Variants in DLGAP1 observed in about 807,000 individuals in gnomAD.
DLGAP1 encodes DLG associated protein 1, also known as disks large-associated protein 1.
In DLGAP1, 11 loss-of-function variants were observed where a neutral mutation model predicts 90.8. The ratio of observed to expected loss-of-function variants is 0.12; its 90% CI spans 0.08 to 0.20. DLGAP1 has a LOEUF of 0.20. Among genes scored for constraint, DLGAP1 ranks in the 10% least tolerant of loss-of-function variants. The probability of loss-of-function intolerance (pLI) is 1.00; values close to 1 mark genes in which losing one functional copy is unlikely to be tolerated. For missense variants in DLGAP1, 1,050 were observed against 1,333.8 expected (o/e 0.79, Z 3.31); for synonymous variants, 558 against 540.7 (o/e 1.03, Z -0.44).
intron 1 of DLGAP1, among the ~76,000 whole-genome samples, chr18:4,297,496 T>C (rs1314926411): frequency 6.6e-6 from 1 of 152,236 alleles, no homozygotes; most frequent in African/African-American, 2.4e-5. Flanking sequence ...ATATCCTCTA[T>C]ACTTATTGTT....
At chr18:3,740,671 T>TTCATC (rs1322427054) in intron 6 of DLGAP1, among the ~76,000 whole-genome samples, 1 of 151,968 alleles carries the variant, frequency 6.6e-6, no homozygotes, top group Non-Finnish European at 1.5e-5. Flanking sequence ...ATACCTTGTT[T>TTCATC]TCATCTATAC....
At chr18:4,136,411 G>A (rs1302903134) in intron 2 of DLGAP1, among the ~76,000 whole-genome samples, 1 of 151,996 alleles carries the variant, frequency 6.6e-6, no homozygotes, top group Admixed American at 6.6e-5. Flanking sequence ...GTTATTATCT[G>A]TCTTTTGGAT....
chr18:4,412,432 CAAAT>C lies in DLGAP1; in HGVS notation c.-267+42570_-267+42573del, dbSNP rs145800266. Among the ~76,000 whole-genome samples, 114 of 152,292 alleles carry C rather than the reference CAAAT, an allele frequency of 7.5e-4. 1 individual carries two copies. In the East Asian group the frequency reaches 0.021, roughly 29 times the overall value. Reference sequence around the variant, plus strand: ...TCAGCTTCTCCTCCAGGCTGCCAGACAAATAACTAGGTCAGGTAACAACATAATC... The same window carrying C: ...TCAGCTTCTCCTCCAGGCTGCCAGACAACTAGGTCAGGTAACAACATAATC... On this transcript the variant is annotated intron_variant, in intron 1 of 12. Transcript: ENST00000315677.
At chr18:4,448,379 GT>G (rs1385128071) in intron 1 of DLGAP1, among the ~76,000 whole-genome samples, 2 of 152,236 alleles carry the variant, frequency 1.3e-5, no homozygotes, top group Admixed American at 6.5e-5. Context: ...CCCAGGAGAT[GT>G]TACAAATATT....
At chr18:4,439,649 A>T (rs2083482129) in intron 1 of DLGAP1, among the ~76,000 whole-genome samples, 2 of 152,100 alleles carry the variant, frequency 1.3e-5, no homozygotes, top group Admixed American at 6.5e-5. Flanking sequence ...CCACAAAAAA[A>T]TAAAAATAAA....
In DLGAP1 at chr18:3,709,421, C is replaced by T. The variant is rs369505726; in HGVS notation, c.1591+19714G>A. On this transcript the variant is annotated intron_variant, in intron 7 of 12. Coordinates refer to ENST00000315677, the MANE Select transcript of DLGAP1 (RefSeq NM_004746.4). ...CTCCTTTGATCTGATAAGCTTTGTTCGAATGTGAGCTGAACTGTTAGCATG... is the reference window on the plus strand; with the variant it reads ...CTCCTTTGATCTGATAAGCTTTGTTTGAATGTGAGCTGAACTGTTAGCATG... 7.2e-5 allele frequency among the ~76,000 whole-genome samples: 11 copies of T among 152,258 alleles called. No individual in the cohort carries two copies. The East Asian group carries it at 1.2e-3, about 16-fold the overall frequency.
chr18:3,687,524 G>T (rs139306560), intron 7 of DLGAP1, among the ~76,000 whole-genome samples: 2,064 of 152,104 alleles, frequency 0.014, 61 homozygotes, highest in African/African-American at 0.047. Context: ...CAAGAAATTG[G>T]CTTACAAATT....
chr18:3,744,630 T>C (rs1350831434), intron 5 of DLGAP1, among the ~76,000 whole-genome samples: 1 of 152,124 alleles, frequency 6.6e-6, no homozygotes, highest in Non-Finnish European at 1.5e-5. Context: ...ACTGCAACCT[T>C]CACCTCCTGG....
At chr18:3,524,147 C>T (rs958187411) in intron 10 of DLGAP1, among the ~76,000 whole-genome samples, 1 of 151,990 alleles carries the variant, frequency 6.6e-6, no homozygotes, top group Non-Finnish European at 1.5e-5. Context: ...TGATGGCACA[C>T]ATCTGTGGTC....
intron 3 of DLGAP1, among the ~76,000 whole-genome samples, chr18:3,943,151 T>A (rs1198657125): frequency 2.0e-5 from 3 of 152,210 alleles, no homozygotes; most frequent in Non-Finnish European, 2.9e-5. Context: ...GGCATCAATC[T>A]CCTATCTTCA....
At chr18:3,779,751 T>C (rs2065100005) in intron 5 of DLGAP1, among the ~76,000 whole-genome samples, 1 of 149,238 alleles carries the variant, frequency 6.7e-6, no homozygotes, top group East Asian at 2.0e-4. Context: ...TTATATAGAG[T>C]GGTCAGTGCA....
intron 2 of DLGAP1, among the ~76,000 whole-genome samples, chr18:4,146,033 G>A (rs927041404): frequency 1.2e-4 from 18 of 152,108 alleles, no homozygotes; most frequent in African/African-American, 4.3e-4. Context: ...ACTAAATTAT[G>A]GATACATTTT....
intron 7 of DLGAP1, among the ~76,000 whole-genome samples, chr18:3,640,988 AG>A (rs1289047625): frequency 6.6e-6 from 1 of 152,204 alleles, no homozygotes; most frequent in African/African-American, 2.4e-5. Flanking sequence ...CTAAGCAGGA[AG>A]GCCAGGATTC....
chr18:3,957,729 T>C (rs1440195947), intron 3 of DLGAP1, among the ~76,000 whole-genome samples: 3 of 152,210 alleles, frequency 2.0e-5, no homozygotes, highest in African/African-American at 7.2e-5. Flanking sequence ...TTGTAGCAAA[T>C]CACTCAAATT....
rs534326134 is a variant in DLGAP1, at chr18:3,944,106, C to G, written c.-73+61010G>C. Among the ~76,000 whole-genome samples the G allele has an allele frequency of 2.0e-4, 31 of 151,886 alleles. No individual in the cohort carries two copies. In the South Asian group the frequency reaches 6.4e-3, roughly 31 times the overall value. ...CGTGCACATTTCATCACTTCTGTACCCATAGGACGTGTGTGTGTCTGTGTG... is the reference window on the plus strand; with the variant it reads ...CGTGCACATTTCATCACTTCTGTACGCATAGGACGTGTGTGTGTCTGTGTG... On this transcript the variant is annotated intron_variant, in intron 3 of 12. Coordinates refer to ENST00000315677, the MANE Select transcript of DLGAP1 (RefSeq NM_004746.4).
At chr18:4,093,508 T>C (rs1189057108) in intron 2 of DLGAP1, among the ~76,000 whole-genome samples, 1 of 152,188 alleles carries the variant, frequency 6.6e-6, no homozygotes, top group Non-Finnish European at 1.5e-5. Context: ...GAATTCCTCA[T>C]TTGGACAAGA....
At chr18:4,310,058 C>G (rs989902151) in intron 1 of DLGAP1, among the ~76,000 whole-genome samples, 2 of 152,036 alleles carry the variant, frequency 1.3e-5, no homozygotes, top group African/African-American at 4.8e-5. Context: ...GTATCTAATT[C>G]AATTGCAGGA....
At chr18:4,322,885 C>T (rs1348871437) in intron 1 of DLGAP1, among the ~76,000 whole-genome samples, 1 of 135,520 alleles carries the variant, frequency 7.4e-6, no homozygotes, top group East Asian at 2.5e-4. Flanking sequence ...GGCATGAACC[C>T]GGGAGGCGGA....
chr18:4,087,790 A>T (rs2075708408), intron 2 of DLGAP1, among the ~76,000 whole-genome samples: 3 of 152,096 alleles, frequency 2.0e-5, no homozygotes, highest in East Asian at 1.9e-4. Context: ...ACATATTTTC[A>T]TCCTTTTACT....
Sources: allele counts gnomAD v4.1 joint callset (sites outside exome capture counted in the v4.1 genomes callset), GRCh38; gene constraint gnomAD v4.1.1; transcripts MANE v1.5; gene names NCBI Gene and HGNC (gene_info 2026-07-23, HGNC 2026-07-21).